MAST4: variants seen among roughly 807,000 people sequenced by gnomAD.
MAST4 encodes microtubule-associated serine/threonine-protein kinase 4.
In MAST4, 89 loss-of-function variants were observed where a neutral mutation model predicts 162.7. The ratio of observed to expected loss-of-function variants is 0.55; its 90% confidence interval spans 0.46 to 0.65. The LOEUF (loss-of-function observed/expected upper bound fraction) is 0.65, where lower values mean the gene tolerates loss of function less well. Ranked by LOEUF, MAST4 falls within the 30% of genes least tolerant of loss-of-function variation. The pLI, the probability that MAST4 is intolerant of heterozygous loss-of-function variation, is 0.00. For synonymous variants in MAST4, 1,479 were observed against 1,361.1 expected, an observed-to-expected ratio of 1.09 and a Z score of -1.91; for missense variants, 3,153 against 3,374.0, an observed-to-expected ratio of 0.93 and a Z score of 1.62.
At chr5:67,158,815 G>A (rs553103047) in intron 26 of MAST4, among the ~76,000 whole-genome samples, 18 of 152,170 alleles carry the variant, frequency 1.2e-4, no homozygotes, top group Admixed American at 2.6e-4. Context: ...CAGGCAGATC[G>A]CCTGAGGTCA....
At chr5:66,679,827 G>A (rs1223155811) in intron 1 of MAST4, among the ~76,000 whole-genome samples, 1 of 151,926 alleles carries the variant, frequency 6.6e-6, no homozygotes, top group Non-Finnish European at 1.5e-5. Flanking sequence ...ACTATTATTT[G>A]GCTCTAACCT....
chr5:67,149,842 A>C (rs1334194624), intron 24 of MAST4, among the ~76,000 whole-genome samples: 1 of 152,118 alleles, frequency 6.6e-6, no homozygotes, highest in Non-Finnish European at 1.5e-5. Flanking sequence ...CTTCCTTCCC[A>C]TGAAAGCTTG....
intron 1 of MAST4, among the ~76,000 whole-genome samples, chr5:66,683,579 C>T (rs1281390914): frequency 6.6e-6 from 1 of 152,144 alleles, no homozygotes; most frequent in Non-Finnish European, 1.5e-5. Context: ...ATGAAGATCT[C>T]AAAGGTAACT....
At chr5:66,907,674 T>C (rs1763475595) in intron 4 of MAST4, among the ~76,000 whole-genome samples, 1 of 151,426 alleles carries the variant, frequency 6.6e-6, no homozygotes, top group Non-Finnish European at 1.5e-5. Flanking sequence ...AGGCCTGTTA[T>C]ATATCAGAAA....
chr5:67,043,840 G>A (rs1466251707), intron 4 of MAST4, among the ~76,000 whole-genome samples: 1 of 152,166 alleles, frequency 6.6e-6, no homozygotes, highest in East Asian at 1.9e-4. Context: ...TCCCCAGTAT[G>A]TCTGTTGACT....
chr5:67,165,880 G>C lies in MAST4; in HGVS notation c.6701G>C (p.Gly2234Ala). Residue 2234 changes from glycine to alanine, a missense_variant, in exon 29 of 29, where the codon GGC (glycine) becomes GCC (alanine). Physicochemically the swap from Gly to Ala is moderately conservative, Grantham distance 60. Transcript: ENST00000403625. ...GAGCCTGCCACTCAGTCCCTCGGTG[G>C]CTCTAGCAGAGAGGGGAAGGGCCAC... ...GKEPATQSLG[G>A]SSREGKGHSK... is the part of the protein sequence containing the mutation. 6.2e-7 allele frequency: 1 copy of C among 1,613,378 alleles called. No individual in the cohort carries two copies. Among genetic ancestry groups the C allele is most frequent in the African/African-American group, 1.3e-5 (1 of 75,080 alleles).
intron 4 of MAST4, among the ~76,000 whole-genome samples, chr5:66,978,086 G>A (rs1373753236): frequency 1.3e-5 from 2 of 152,110 alleles, no homozygotes; most frequent in Non-Finnish European, 2.9e-5. Flanking sequence ...TTTGTTATAT[G>A]CACAAGTTTA....
At chr5:67,025,826 G>T (rs763901142) in intron 4 of MAST4, among the ~76,000 whole-genome samples, 1 of 152,142 alleles carries the variant, frequency 6.6e-6, no homozygotes, top group Non-Finnish European at 1.5e-5. Context: ...CCTCTGGAGG[G>T]CCCCAAGGCC....
chr5:67,071,921 T>A (rs1292296883), intron 5 of MAST4, among the ~76,000 whole-genome samples: 2 of 150,548 alleles, frequency 1.3e-5, no homozygotes, highest in Non-Finnish European at 2.9e-5. Flanking sequence ...GCAATATAGA[T>A]CTAGAACTCA....
chr5:66,641,207 C>T (rs555141256), intron 1 of MAST4, among the ~76,000 whole-genome samples: 3 of 151,992 alleles, frequency 2.0e-5, no homozygotes, highest in Non-Finnish European at 1.5e-5. Context: ...GGCTGAAGTG[C>T]GGTGGTATGA....
chr5:67,042,011 A>T (rs974770817), intron 4 of MAST4, among the ~76,000 whole-genome samples: 2 of 152,198 alleles, frequency 1.3e-5, no homozygotes, highest in African/African-American at 4.8e-5. Flanking sequence ...AGATCTACTA[A>T]TGGCAAGTCC....
chr5:66,735,168 A>G (rs1752085041), intron 1 of MAST4, among the ~76,000 whole-genome samples: 1 of 152,234 alleles, frequency 6.6e-6, no homozygotes, highest in Admixed American at 6.5e-5. Context: ...CCAGTATTAT[A>G]GCCCCAAATT....
chr5:67,094,382 G>GA (rs879710510), intron 6 of MAST4, among the ~76,000 whole-genome samples: 38 of 152,234 alleles, frequency 2.5e-4, no homozygotes, highest in African/African-American at 8.7e-4. Context: ...TAATGTTGTT[G>GA]AATTCCCTAA....
At chr5:66,984,896 G>C (rs1381613570) in intron 4 of MAST4, among the ~76,000 whole-genome samples, 3 of 152,276 alleles carry the variant, frequency 2.0e-5, no homozygotes, top group Non-Finnish European at 4.4e-5. Context: ...GATCGTGGAA[G>C]AAAATTAAAA....
At chr5:66,694,684 G>A (rs1301225853) in intron 1 of MAST4, among the ~76,000 whole-genome samples, 6 of 151,820 alleles carry the variant, frequency 4.0e-5, no homozygotes, top group African/African-American at 7.3e-5. Context: ...ATGGGTTTTC[G>A]CCATGTTGGG....
At chr5:67,063,410 C>T (rs571670153) in intron 5 of MAST4, among the ~76,000 whole-genome samples, 6 of 152,124 alleles carry the variant, frequency 3.9e-5, no homozygotes, top group African/African-American at 1.4e-4. Flanking sequence ...TCATTTTGGC[C>T]CTTTAGGAAG....
chr5:66,792,095 G>A (rs754274835), intron 3 of MAST4: 7 of 162,246 alleles, frequency 4.3e-5, no homozygotes, highest in Non-Finnish European at 1.0e-4. Context: ...TATCTCTGCC[G>A]ATTACAACTA....
chr5:66,648,208 T>C (rs1194944072), intron 1 of MAST4, among the ~76,000 whole-genome samples: 1 of 152,074 alleles, frequency 6.6e-6, no homozygotes, highest in East Asian at 1.9e-4. Flanking sequence ...TTGCTATAGA[T>C]ACCAGTCATT....
At chr5:66,951,630 G>A (rs112375321) in intron 4 of MAST4, among the ~76,000 whole-genome samples, 4,503 of 147,208 alleles carry the variant, frequency 0.031, 221 homozygotes, top group African/African-American at 0.11. Flanking sequence ...GTGTGTGTGT[G>A]TGTGTGTGTG....
Sources: gnomAD v4.1 joint callset for allele counts (sites outside exome capture counted in the v4.1 genomes callset) on GRCh38, gnomAD v4.1.1 for gene constraint, MANE v1.5 for transcripts, NCBI Gene and HGNC (gene_info 2026-07-23, HGNC 2026-07-21) for gene names.